WDFY4: variants seen among roughly 807,000 people sequenced by gnomAD.
WDFY4 encodes WDFY family member 4, also known as WD repeat- and FYVE domain-containing protein 4.
WDFY4 carries 169 observed loss-of-function variants against 351.9 expected under a neutral mutation model. That is an observed-to-expected ratio of 0.48 (90% confidence interval 0.42 to 0.55). The LOEUF (loss-of-function observed/expected upper bound fraction) is 0.55, where lower values mean the gene tolerates loss of function less well. WDFY4 is among the 20% of genes least tolerant of loss of function. The probability of loss-of-function intolerance (pLI) is 0.00; values close to 1 mark genes in which losing one functional copy is unlikely to be tolerated. For missense variants in WDFY4, 3,803 were observed against 3,935.6 expected, an observed-to-expected ratio of 0.97 and a Z score of 0.90; for synonymous variants, 1,622 against 1,574.6, an observed-to-expected ratio of 1.03 and a Z score of -0.71.
rs1336793772 is a variant in WDFY4 at position 48,822,531 on chromosome 10, C to G, written c.5976C>G (p.Ile1992Met). Residue 1992 changes from isoleucine to methionine, a missense_variant, in exon 35 of 62, where the codon ATC (isoleucine) becomes ATG (methionine). Coordinates refer to ENST00000325239, the MANE Select transcript of WDFY4 (RefSeq NM_001394531.1). ...RHILLFILEH[I>M]MVVIETASSQ... Reference sequence around the variant, plus strand: ...TCCTCCTCTTCATCCTGGAGCACATCATGGTGGTAAGAGCTGCTCACTGAC... The same window carrying G: ...TCCTCCTCTTCATCCTGGAGCACATGATGGTGGTAAGAGCTGCTCACTGAC... The G allele has an allele frequency of 1.3e-6, 2 of 1,541,560 alleles. No individual in the cohort carries two copies.
chr10:48,911,330 C>T lies in WDFY4; in HGVS notation c.7586+9467C>T, dbSNP rs531926059. 8.5e-5 allele frequency among the ~76,000 whole-genome samples: 13 copies of T among 152,244 alleles called. No individual in the cohort carries two copies. The South Asian group carries it at 1.7e-3, about 19-fold the overall frequency. ...GGTTCTCTACTACGTTACTGGTAGG[C>T]GTATGTGTGTAAACCTTTTATGAGC... On this transcript the variant is annotated intron_variant, in intron 47 of 61. Coordinates refer to ENST00000325239, the MANE Select transcript of WDFY4 (RefSeq NM_001394531.1).
At chr10:48,914,130 T>G (rs755944332) in intron 47 of WDFY4, 11 of 1,614,062 alleles carry the variant, frequency 6.8e-6, no homozygotes, top group South Asian at 1.1e-5. Flanking sequence ...CTTCTTGCCC[T>G]TGGGGCCTTT....
At chr10:48,879,690 C>T (rs1018824833) in intron 43 of WDFY4, among the ~76,000 whole-genome samples, 7 of 152,194 alleles carry the variant, frequency 4.6e-5, no homozygotes, top group Non-Finnish European at 7.3e-5. Context: ...TTTCCAAGCT[C>T]GTTCCAGTGC....
rs1244966585 is a variant in WDFY4 at position 48,774,541 on chromosome 10, A to G, written c.2637A>G (p.Glu879=). Residue 879 remains glutamate (E), a synonymous_variant, in exon 14 of 62, where the codon GAA becomes GAG. Transcript: ENST00000325239. Reference sequence around the variant, plus strand: ...AGAAGAACCGCCAGGTCATGTGCGAAGCAGGCTTGCTTGGGACCCTCATGG... The same window carrying G: ...AGAAGAACCGCCAGGTCATGTGCGAGGCAGGCTTGCTTGGGACCCTCATGG... ...KSEKNRQVMC[E]AGLLGTLMAS... is the part of the protein sequence containing the mutation. 1.9e-6 allele frequency: 3 copies of G among 1,551,572 alleles called. No homozygotes were observed. Among genetic ancestry groups the G allele is most frequent in the Non-Finnish European group, 2.6e-6 (3 of 1,146,976 alleles).
intron 24 of WDFY4, chr10:48,801,530 G>A (rs1418482789): frequency 2.2e-6 from 1 of 456,544 alleles, no homozygotes; most frequent in South Asian, 1.6e-5. Flanking sequence ...TGCCATGCTG[G>A]ATACCCATGT....
At chr10:48,693,868 C>T (rs551925259) in intron 1 of WDFY4, among the ~76,000 whole-genome samples, 3 of 152,296 alleles carry the variant, frequency 2.0e-5, no homozygotes, top group African/African-American at 7.2e-5. Flanking sequence ...GTTGGCCTGG[C>T]ACAGGAGAGG....
chr10:48,804,492 A>G (rs1266410714), intron 25 of WDFY4, among the ~76,000 whole-genome samples: 1 of 151,570 alleles, frequency 6.6e-6, no homozygotes, highest in African/African-American at 2.4e-5. Flanking sequence ...TCATACACAG[A>G]ATTGGGCTCT....
intron 18 of WDFY4, among the ~76,000 whole-genome samples, chr10:48,779,486 A>G (rs1296860138): frequency 6.6e-6 from 1 of 152,176 alleles, no homozygotes; most frequent in African/African-American, 2.4e-5. Context: ...GCCCTATGAA[A>G]CAGTGGAAGC....
At position 48,830,951 on chromosome 10, in the gene WDFY4, G is replaced by T. The variant is rs1028028185; in HGVS notation, c.6526+66G>T. 5 of 1,478,830 alleles carry T rather than the reference G, an allele frequency of 3.4e-6. No individual in the cohort carries two copies. The South Asian group carries it at 4.0e-5, about 12-fold the overall frequency. 91.6% of individuals were successfully genotyped at this position (1,478,830 alleles called of 1,614,324 possible). ...TCTCACAGAGCCAGACTCCCGCAAG[G>T]TTCAACTCAGTGCCTAGAGCCTTTT... On this transcript the variant is annotated intron_variant, in intron 38 of 61. Coordinates refer to ENST00000325239, the MANE Select transcript of WDFY4 (RefSeq NM_001394531.1).
chr10:48,980,912 TTTAA>T (rs1488807530), intron 60 of WDFY4, among the ~76,000 whole-genome samples: 1 of 152,242 alleles, frequency 6.6e-6, no homozygotes, highest in Non-Finnish European at 1.5e-5. Flanking sequence ...ATTCTCAGCA[TTTAA>T]TTACTGGTTG....
chr10:48,916,391 C>T (rs900790368), intron 47 of WDFY4, among the ~76,000 whole-genome samples: 31 of 150,766 alleles, frequency 2.1e-4, no homozygotes, highest in Non-Finnish European at 4.2e-4. Flanking sequence ...TGTTTGTTTG[C>T]TTGCTTGCTT....
At position 48,966,621 on chromosome 10, in the gene WDFY4, G is replaced by A; in HGVS notation, c.8532G>A (p.Gln2844=). 1.3e-6 allele frequency: 2 copies of A among 1,551,888 alleles called. No homozygotes were observed. The highest frequency in any genetic ancestry group is 2.4e-5 in the South Asian group (2 of 84,052). The part of the protein sequence containing the change: ...STPVSLPGHP[Q]PFFYSLQSLR... Reference sequence around the variant, plus strand: ...CCGTGAGCCTGCCTGGCCACCCACAGCCCTTTTTCTACAGCCTGCAGTCGC... The same window carrying A: ...CCGTGAGCCTGCCTGGCCACCCACAACCCTTTTTCTACAGCCTGCAGTCGC... The change falls in exon 55 of 62, where the codon CAG becomes CAA. Residue 2844 remains glutamine (Q), a synonymous_variant. Transcript: ENST00000325239.
chr10:48,946,930 C>A lies in WDFY4; in HGVS notation c.7938C>A (p.Val2646=). The change falls in exon 51 of 62, where the codon GTC becomes GTA. Residue 2646 remains valine, a synonymous_variant. Transcript: ENST00000325239. ...SSAIIVASYL[V]RMPPFTQAFC... is the part of the protein sequence containing the mutation. ...CCATCATCGTGGCCTCCTACCTGGT[C>A]CGGATGCCACCCTTCACCCAGGCCT... 1 of 1,551,856 alleles carries A rather than the reference C, an allele frequency of 6.4e-7. No individual in the cohort carries two copies. The highest frequency in any genetic ancestry group is 8.7e-7 in the Non-Finnish European group (1 of 1,147,066).
intron 48 of WDFY4, among the ~76,000 whole-genome samples, chr10:48,942,115 C>T (rs909960101): frequency 9.2e-5 from 14 of 152,166 alleles, no homozygotes; most frequent in African/African-American, 3.1e-4. Flanking sequence ...CAGGCACCTA[C>T]CACTAGGCCA....
At chr10:48,957,750 T>C (rs1239441118) in intron 52 of WDFY4, among the ~76,000 whole-genome samples, 2 of 152,234 alleles carry the variant, frequency 1.3e-5, no homozygotes, top group Non-Finnish European at 2.9e-5. Context: ...CCAGGGCAGC[T>C]GGACGGGCAC....
intron 8 of WDFY4, among the ~76,000 whole-genome samples, chr10:48,730,476 G>A (rs1295248142): frequency 6.6e-6 from 1 of 152,202 alleles, no homozygotes; most frequent in Non-Finnish European, 1.5e-5. Context: ...CTGACAAAGT[G>A]TCTCCTGGGG....
chr10:48,701,557 C>T (rs552357151), intron 1 of WDFY4, among the ~76,000 whole-genome samples: 1 of 152,298 alleles, frequency 6.6e-6, no homozygotes, highest in Admixed American at 6.5e-5. Context: ...CCCACTTGAC[C>T]AACGTGGAGG....
chr10:48,825,423 C>T lies in WDFY4; in HGVS notation c.5983-1248C>T, dbSNP rs139583525. 5.1e-4 allele frequency among the ~76,000 whole-genome samples: 77 copies of T among 152,224 alleles called. No individual in the cohort carries two copies. In the East Asian group the frequency reaches 0.011, roughly 21 times the overall value. On this transcript the variant is annotated intron_variant, in intron 35 of 61. Coordinates refer to ENST00000325239, the MANE Select transcript of WDFY4 (RefSeq NM_001394531.1). Reference sequence around the variant, plus strand: ...TGAATAGTGCTGCAATGAACATACGCGTGCATGTATTTTTGTAACAGGATA... The same window carrying T: ...TGAATAGTGCTGCAATGAACATACGTGTGCATGTATTTTTGTAACAGGATA...
intron 23 of WDFY4, among the ~76,000 whole-genome samples, chr10:48,791,857 C>A (rs551837287): frequency 6.2e-4 from 94 of 152,274 alleles, no homozygotes; most frequent in African/African-American, 1.9e-3. Flanking sequence ...TCTGGGCACT[C>A]CCCCTGTCTG....
Sources: gnomAD v4.1 joint callset for allele counts (sites outside exome capture counted in the v4.1 genomes callset) on GRCh38, gnomAD v4.1.1 for gene constraint, MANE v1.5 for transcripts, NCBI Gene and HGNC (gene_info 2026-07-23, HGNC 2026-07-21) for gene names.